FGF12: variants seen among roughly 807,000 people sequenced by gnomAD.
The protein encoded by FGF12 is fibroblast growth factor 12B.
FGF12 carries 14 observed loss-of-function variants against 23.6 expected under a neutral mutation model. The observed-to-expected ratio is 0.59, with a 90% CI of 0.39 to 0.93. The LOEUF (loss-of-function observed/expected upper bound fraction) is 0.93, where lower values mean the gene tolerates loss of function less well. FGF12 is among the 40% of genes least tolerant of loss of function. The pLI is 0.00. For missense variants in FGF12, 175 were observed against 217.8 expected, an observed-to-expected ratio of 0.80 and a Z score of 1.24; for synonymous variants, 62 against 77.3, an observed-to-expected ratio of 0.80 and a Z score of 1.04.
At chr3:192,448,796 A>G (rs1722435734) in intron 2 of FGF12, among the ~76,000 whole-genome samples, 1 of 152,304 alleles carries the variant, frequency 6.6e-6, no homozygotes, top group Admixed American at 6.5e-5. Context: ...TTTTATACTG[A>G]TGAATGGCCA....
chr3:192,187,886 C>G (rs189703217), intron 4 of FGF12, among the ~76,000 whole-genome samples: 1 of 152,050 alleles, frequency 6.6e-6, no homozygotes, highest in East Asian at 1.9e-4. Flanking sequence ...AAGTTTTCCT[C>G]GACATGGGGG....
chr3:192,645,767 T>TAAAAAAAAAAA (rs55809400), intron 2 of FGF12, among the ~76,000 whole-genome samples: 1 of 71,042 alleles, frequency 1.4e-5, no homozygotes, highest in Non-Finnish European at 2.7e-5. Context: ...ACAAAACAGG[T>TAAAAAAAAAAA]AAAAAAAAAA....
chr3:192,308,673 T>G (rs1285426081), intron 4 of FGF12, among the ~76,000 whole-genome samples: 1 of 142,120 alleles, frequency 7.0e-6, no homozygotes, highest in Non-Finnish European at 1.5e-5. Context: ...AGAACGAAAC[T>G]CCATCTCAAA....
At chr3:192,684,313 T>C (rs1309917199) in intron 2 of FGF12, among the ~76,000 whole-genome samples, 1 of 152,172 alleles carries the variant, frequency 6.6e-6, no homozygotes, top group African/African-American at 2.4e-5. Context: ...AGAAGATCTG[T>C]GATACAATGT....
chr3:192,700,371 T>C (rs1185459940), intron 2 of FGF12, among the ~76,000 whole-genome samples: 1 of 152,210 alleles, frequency 6.6e-6, no homozygotes, highest in Non-Finnish European at 1.5e-5. Flanking sequence ...ATATTTAATG[T>C]GTTCATATAA....
At chr3:192,642,208 C>T (rs1715831698) in intron 2 of FGF12, among the ~76,000 whole-genome samples, 2 of 152,238 alleles carry the variant, frequency 1.3e-5, no homozygotes, top group Non-Finnish European at 2.9e-5. Context: ...CAAACACTTT[C>T]ACATCCATTA....
intron 4 of FGF12, among the ~76,000 whole-genome samples, chr3:192,270,011 C>T (rs1713332710): frequency 6.6e-6 from 1 of 152,128 alleles, no homozygotes; most frequent in Non-Finnish European, 1.5e-5. Context: ...ATTTGTAATA[C>T]TGTAGTATTA....
At chr3:192,150,082 T>C (rs1241560696) in intron 5 of FGF12, among the ~76,000 whole-genome samples, 2 of 78,476 alleles carry the variant, frequency 2.5e-5, no homozygotes, top group African/African-American at 9.2e-5. Context: ...TGAGCATTTT[T>C]TCATGTGTTT....
intron 2 of FGF12, among the ~76,000 whole-genome samples, chr3:192,672,503 A>G (rs1156802883): frequency 6.6e-6 from 1 of 150,852 alleles, no homozygotes; most frequent in African/African-American, 2.4e-5. Flanking sequence ...GGAAAGATGC[A>G]TACAGCTTTT....
chr3:192,275,922 T>C (rs543684435), intron 4 of FGF12, among the ~76,000 whole-genome samples: 1 of 152,294 alleles, frequency 6.6e-6, no homozygotes, highest in East Asian at 1.9e-4. Context: ...CTGAGATGGA[T>C]TGGAACCCCT....
intron 4 of FGF12, among the ~76,000 whole-genome samples, chr3:192,186,107 C>T (rs1309854660): frequency 1.3e-5 from 2 of 152,168 alleles, no homozygotes; most frequent in South Asian, 2.1e-4. Context: ...GTAAGAGATA[C>T]TATTTTTTTT....
Position 192,371,297 on chromosome 3 carries a change from T to C in FGF12, c.14-10759A>G, listed in dbSNP as rs558416604. Among the ~76,000 whole-genome samples the C allele has an allele frequency of 7.0e-4, 107 of 152,338 alleles. 1 individual carries two copies. Among genetic ancestry groups the C allele is most frequent in the Non-Finnish European group, 1.2e-3 (79 of 68,024 alleles). ...GGGAAAGTCGCGTGGCAGCACATCT[T>C]CCAATCCCTGGAGTCAGAGCTCTTT... On this transcript the variant is annotated intron_variant, in intron 2 of 5. Coordinates refer to ENST00000445105, the MANE Select transcript of FGF12 (RefSeq NM_004113.6).
intron 4 of FGF12, among the ~76,000 whole-genome samples, chr3:192,330,707 AC>A (rs1423297578): frequency 2.6e-5 from 4 of 151,244 alleles, no homozygotes; most frequent in Non-Finnish European, 4.4e-5. Context: ...ATCTCAAGAA[AC>A]AAAAAACAAA....
At chr3:192,302,341 G>C (rs964512942) in intron 4 of FGF12, among the ~76,000 whole-genome samples, 9 of 152,154 alleles carry the variant, frequency 5.9e-5, no homozygotes, top group African/African-American at 2.2e-4. Context: ...GTTTGTGTAG[G>C]ATTGGAGGCA....
At chr3:192,466,484 T>C (rs1455002349) in intron 2 of FGF12, among the ~76,000 whole-genome samples, 1 of 152,168 alleles carries the variant, frequency 6.6e-6, no homozygotes, top group Non-Finnish European at 1.5e-5. Flanking sequence ...CTCTCAAATG[T>C]ATTTGCTGTT....
intron 2 of FGF12, among the ~76,000 whole-genome samples, chr3:192,713,964 AC>A (rs1274446903): frequency 6.6e-6 from 1 of 152,202 alleles, no homozygotes; most frequent in East Asian, 1.9e-4. Flanking sequence ...TTTCATTTAA[AC>A]AATTAAGCAA....
intron 2 of FGF12, among the ~76,000 whole-genome samples, chr3:192,388,649 G>T (rs1436066387): frequency 6.6e-6 from 1 of 151,462 alleles, no homozygotes; most frequent in Non-Finnish European, 1.5e-5. Context: ...AATATAGAAG[G>T]TAAAATTAAA....
At chr3:192,457,703 C>T (rs764529255) in intron 2 of FGF12, among the ~76,000 whole-genome samples, 48 of 152,106 alleles carry the variant, frequency 3.2e-4, no homozygotes, top group Non-Finnish European at 7.3e-5. Context: ...TTGCAGCTGA[C>T]GATGCAATAG....
chr3:192,502,520 T>G (rs574589725), intron 2 of FGF12, among the ~76,000 whole-genome samples: 49 of 152,332 alleles, frequency 3.2e-4, no homozygotes, highest in African/African-American at 1.2e-3. Flanking sequence ...TCTCATCCAG[T>G]GTTTAAAATG....
Sources: gnomAD v4.1 joint callset for allele counts (sites outside exome capture counted in the v4.1 genomes callset) on GRCh38, gnomAD v4.1.1 for gene constraint, MANE v1.5 for transcripts, NCBI Gene and HGNC (gene_info 2026-07-23, HGNC 2026-07-21) for gene names.